Variants in DST observed in about 807,000 individuals in gnomAD.
DST encodes the protein dystonin, also known as bullous pemphigoid antigen.
A neutral mutation model predicts 875.2 loss-of-function variants in DST; 253 were observed. That is an observed-to-expected ratio of 0.29 (90% CI 0.26 to 0.32). The LOEUF is 0.32. DST is among the 10% of genes least tolerant of loss of function. The pLI is 1.00. For synonymous variants in DST, 3,124 were observed against 3,197.1 expected, an observed-to-expected ratio of 0.98 and a Z score of 0.77; for missense variants, 8,287 against 9,111.6, an observed-to-expected ratio of 0.91 and a Z score of 3.68.
At chr6:56,583,306 T>C (rs2098065195) in intron 49 of DST, among the ~76,000 whole-genome samples, 1 of 152,338 alleles carries the variant, frequency 6.6e-6, no homozygotes, top group Admixed American at 6.5e-5. Context: ...TGTGAGATGG[T>C]ATCTCATTGT....
At position 56,497,965 on chromosome 6, in the gene DST, TCTC is replaced by T. The variant is rs746499053; in HGVS notation, c.19982_19984del (p.Gly6661del). The T allele has an allele frequency of 2.5e-6, 4 of 1,613,566 alleles. No homozygotes were observed. The highest frequency in any genetic ancestry group is 1.1e-5 in the South Asian group (1 of 91,064). ...CTTGTTCTGAAGGTTGCTTGCTTCTTCTCCTGCACTTGATTCAATTAGATCATT... is the reference window on the plus strand; with the variant it reads ...CTTGTTCTGAAGGTTGCTTGCTTCTTCTGCACTTGATTCAATTAGATCATT... On this transcript the variant is annotated inframe_deletion, in exon 81 of 104. Coordinates refer to ENST00000680361, the MANE Select transcript of DST (RefSeq NM_001374736.1).
chr6:56,576,504 T>C, intron 50 of DST, among the ~76,000 whole-genome samples: 1 of 152,116 alleles, frequency 6.6e-6, no homozygotes, highest in East Asian at 1.9e-4. Flanking sequence ...AGGTAGACAG[T>C]GTCAGAATTG....
At chr6:56,511,795 C>T (rs2096482393) in intron 72 of DST, among the ~76,000 whole-genome samples, 1 of 151,740 alleles carries the variant, frequency 6.6e-6, no homozygotes. Flanking sequence ...TTCCTTTCTG[C>T]ACACTCATGA....
At chr6:56,899,147 A>T (rs1792813742) in intron 3 of DST, among the ~76,000 whole-genome samples, 1 of 152,232 alleles carries the variant, frequency 6.6e-6, no homozygotes, top group African/African-American at 2.4e-5. Flanking sequence ...TAAATAAGTG[A>T]CATAAAATAA....
intron 50 of DST, 27 bp downstream of exon 50, chr6:56,578,787 C>T: frequency 1.2e-6 from 2 of 1,609,158 alleles, no homozygotes. Flanking sequence ...ACCTGTGAGA[C>T]AGGAAGCAAG....
intron 4 of DST, among the ~76,000 whole-genome samples, chr6:56,766,574 A>G (rs2099633965): frequency 1.4e-5 from 2 of 142,004 alleles, no homozygotes; most frequent in African/African-American, 5.3e-5. Flanking sequence ...TCTGCCACCC[A>G]CGCTGGTATG....
At chr6:56,813,186 A>T (rs1360445422) in intron 4 of DST, among the ~76,000 whole-genome samples, 1 of 142,412 alleles carries the variant, frequency 7.0e-6, no homozygotes, top group Non-Finnish European at 1.5e-5. Flanking sequence ...TTGAACAATG[A>T]GAACACATGG....
chr6:56,595,141 T>C (rs1421027829), intron 47 of DST, among the ~76,000 whole-genome samples: 1 of 152,178 alleles, frequency 6.6e-6, no homozygotes, highest in African/African-American at 2.4e-5. Flanking sequence ...ATGGCTTACA[T>C]GGAGCCAAAT....
chr6:56,919,968 A>T (rs1803251827), intron 2 of DST, among the ~76,000 whole-genome samples: 1 of 152,092 alleles, frequency 6.6e-6, no homozygotes, highest in Non-Finnish European at 1.5e-5. Flanking sequence ...AAAAAGAAGG[A>T]TATATATATC....
At chr6:56,830,795 A>G (rs903003253) in intron 4 of DST, among the ~76,000 whole-genome samples, 2 of 152,214 alleles carry the variant, frequency 1.3e-5, no homozygotes, top group African/African-American at 4.8e-5. Context: ...TTCCAGAACA[A>G]CAGCAATATT....
At chr6:56,699,852 ATAATT>A (rs1178093412) in intron 8 of DST, 107 bp from the exon 9 acceptor site, 3 of 541,012 alleles carry the variant, frequency 5.5e-6, no homozygotes, top group South Asian at 2.9e-5. Context: ...AAAAAATGGA[ATAATT>A]TAAACACCAG....
chr6:56,947,922 A>ATTT (rs1820470489), intron 2 of DST, among the ~76,000 whole-genome samples: 2 of 24,922 alleles, frequency 8.0e-5, no homozygotes, highest in African/African-American at 1.9e-4. Flanking sequence ...ATAGTACTAA[A>ATTT]CCCTATACAT....
rs760282077 is a variant in DST at position 56,603,631 on chromosome 6, G to C, written c.10874C>G (p.Pro3625Arg). ...YLTLLQDMKP[P>R]LDNQESLDNN... The stretch of plus-strand genomic sequence containing the variant: ...ATCCAGAGATTCCTGGTTGTCTAAG[G>C]GGGGTTTCATATCTTGAAGCAATGT... The change falls in exon 41 of 104, where the codon CCC becomes CGC. Residue 3625 changes from proline (P) to arginine (R), a missense_variant. By Grantham distance (103) the Pro-to-Arg change is moderately radical. Transcript: ENST00000680361. The C allele has an allele frequency of 6.2e-7, 1 of 1,611,282 alleles. No homozygotes were observed. Among genetic ancestry groups the C allele is most frequent in the Non-Finnish European group, 8.5e-7 (1 of 1,178,932 alleles).
chr6:56,781,201 G>A (rs2099692999), intron 4 of DST, among the ~76,000 whole-genome samples: 1 of 152,068 alleles, frequency 6.6e-6, no homozygotes, highest in African/African-American at 2.4e-5. Flanking sequence ...TTGACTTGGT[G>A]ATGCGGGCTT....
intron 90 of DST, among the ~76,000 whole-genome samples, chr6:56,479,399 T>C (rs2095324778): frequency 6.6e-6 from 1 of 152,172 alleles, no homozygotes; most frequent in Non-Finnish European, 1.5e-5. Context: ...AGAACTACCA[T>C]TTGACCCAGC....
Position 56,603,634 on chromosome 6 carries a change from G to C in DST, c.10871C>G (p.Pro3624Arg). The change falls in exon 41 of 104, where the codon CCC (proline) becomes CGC (arginine). Residue 3624 changes from proline to arginine, a missense_variant. Transcript: ENST00000680361. ...EYLTLLQDMK[P>R]PLDNQESLDN... ...CAGAGATTCCTGGTTGTCTAAGGGGGGTTTCATATCTTGAAGCAATGTCAA... is the reference window on the plus strand; with the variant it reads ...CAGAGATTCCTGGTTGTCTAAGGGGCGTTTCATATCTTGAAGCAATGTCAA... 1.2e-6 allele frequency: 2 copies of C among 1,611,136 alleles called. No individual in the cohort carries two copies. The highest frequency in any genetic ancestry group is 1.7e-6 in the Non-Finnish European group (2 of 1,178,860).
intron 26 of DST, 83 bp from the exon 27 acceptor site, chr6:56,634,341 T>G: frequency 6.2e-7 from 1 of 1,608,370 alleles, no homozygotes; most frequent in Non-Finnish European, 8.5e-7. Context: ...GTGTGAAATA[T>G]TCCACGGATG....
intron 63 of DST, 117 bp from the exon 64 acceptor site, chr6:56,532,627 A>G (rs1161810201): frequency 3.2e-5 from 31 of 967,962 alleles, no homozygotes; most frequent in Non-Finnish European, 4.5e-5. Context: ...GTATGCACAT[A>G]TGAAAGGATC....
intron 9 of DST, among the ~76,000 whole-genome samples, chr6:56,674,700 A>T (rs986890332): frequency 2.0e-5 from 3 of 152,252 alleles, no homozygotes; most frequent in Non-Finnish European, 4.4e-5. Flanking sequence ...AGACTTAGTA[A>T]TAAATTTAAC....
Sources: allele counts gnomAD v4.1 joint callset (sites outside exome capture counted in the v4.1 genomes callset), GRCh38; gene constraint gnomAD v4.1.1; transcripts MANE v1.5; gene names NCBI Gene and HGNC (gene_info 2026-07-23, HGNC 2026-07-21).